SBDS: variants seen among roughly 807,000 people sequenced by gnomAD.
SBDS encodes ribosome maturation protein SBDS.
A neutral mutation model predicts 26.4 loss-of-function variants in SBDS; 20 were observed. The observed-to-expected ratio is 0.76, with a 90% CI of 0.53 to 1.10. SBDS has a LOEUF of 1.10. SBDS is among the 50% of genes least tolerant of loss of function. The pLI, the probability that SBDS is intolerant of heterozygous loss-of-function variation, is 0.00. For synonymous variants in SBDS, 95 were observed against 105.1 expected, an observed-to-expected ratio of 0.90 and a Z score of 0.59; for missense variants, 241 against 302.0, an observed-to-expected ratio of 0.80 and a Z score of 1.50.
At chr7:66,991,069 C>A in intron 4 of SBDS, 68 bp downstream of exon 4, 2 of 1,357,056 alleles carry the variant, frequency 1.5e-6, no homozygotes, top group South Asian at 2.5e-5. Flanking sequence ...TAAATGTTTG[C>A]TACAAATTTA....
chr7:66,990,612 A>G (rs1032727019), intron 4 of SBDS, among the ~76,000 whole-genome samples: 22 of 152,206 alleles, frequency 1.4e-4, no homozygotes, highest in African/African-American at 5.1e-4. Flanking sequence ...TAGTTGCTAA[A>G]TTTGCTAAAA....
At chr7:66,991,787 CA>C (rs1410941029) in intron 3 of SBDS, among the ~76,000 whole-genome samples, 1 of 151,952 alleles carries the variant, frequency 6.6e-6, no homozygotes, top group Admixed American at 6.6e-5. Context: ...AGAGATTTCT[CA>C]AAAGAAGACA....
intron 1 of SBDS, among the ~76,000 whole-genome samples, chr7:66,994,971 T>C (rs1017204801): frequency 4.6e-5 from 7 of 152,184 alleles, no homozygotes; most frequent in Non-Finnish European, 7.4e-5. Flanking sequence ...TATGACAGTA[T>C]TCGTAAGACT....
intron 4 of SBDS, 124 bp from the exon 5 acceptor site, chr7:66,988,623 G>C: frequency 8.6e-7 from 1 of 1,164,122 alleles, no homozygotes; most frequent in South Asian, 1.3e-5. Context: ...ACAGTTCTAT[G>C]GTGCAATAGA....
intron 4 of SBDS, among the ~76,000 whole-genome samples, chr7:66,990,232 G>A (rs1397112511): frequency 1.3e-5 from 2 of 152,060 alleles, no homozygotes; most frequent in African/African-American, 2.4e-5. Context: ...TGGTCAGACT[G>A]GTCTCGAACT....
intron 4 of SBDS, among the ~76,000 whole-genome samples, chr7:66,989,829 C>G (rs1194845986): frequency 6.7e-6 from 1 of 149,646 alleles, no homozygotes; most frequent in Non-Finnish European, 1.5e-5. Context: ...ACAATTCCAC[C>G]CCTTATCAAC....
chr7:66,987,831 T>A lies in SBDS; in HGVS notation c.*540A>T, dbSNP rs1792899750. 1 of 191,192 alleles carries A rather than the reference T, an allele frequency of 5.2e-6. No individual in the cohort carries two copies. The highest frequency in any genetic ancestry group is 1.1e-5 in the Non-Finnish European group (1 of 91,260). 11.8% of individuals were successfully genotyped at this position (191,192 alleles called of 1,614,324 possible). ...AAGAATAATCTAAGTTATGGCAGCA[T>A]GTTCAATGAAAGGTAAGTCCGGCAC... On this transcript the variant is annotated 3_prime_UTR_variant, in exon 5 of 5. Coordinates refer to ENST00000246868, the MANE Select transcript of SBDS (RefSeq NM_016038.4).
At position 66,995,300 on chromosome 7, in the gene SBDS, G is replaced by T. The variant is rs1388875413; in HGVS notation, c.118C>A (p.Arg40=). The T allele has an allele frequency of 3.1e-6, 5 of 1,613,798 alleles. No individual in the cohort carries two copies. In the East Asian group the frequency reaches 8.9e-5, roughly 29 times the overall value. ...GAGGGGGCTACTCACACGCCGCTCCGCCAGCCGACGACCTTGTTTTTGTAG... is the reference window on the plus strand; with the variant it reads ...GAGGGGGCTACTCACACGCCGCTCCTCCAGCCGACGACCTTGTTTTTGTAG... ...ACYKNKVVGW[R]SGVEKDLDEV... Residue 40 remains arginine, a synonymous_variant, in exon 1 of 5, where the codon CGG becomes AGG. Coordinates refer to ENST00000246868, the MANE Select transcript of SBDS (RefSeq NM_016038.4).
chr7:66,994,715 T>C (rs1793060328), intron 1 of SBDS, among the ~76,000 whole-genome samples: 1 of 152,212 alleles, frequency 6.6e-6, no homozygotes, highest in Admixed American at 6.5e-5. Context: ...GGCCTCGAAC[T>C]CCTGGCCTCA....
At chr7:66,991,564 G>A (rs1453690699) in intron 3 of SBDS, among the ~76,000 whole-genome samples, 4 of 152,020 alleles carry the variant, frequency 2.6e-5, no homozygotes, top group Non-Finnish European at 5.9e-5. Context: ...AGGCCGAGGC[G>A]GGTGCATCAC....
chr7:66,990,251 C>T (rs1240492489), intron 4 of SBDS, among the ~76,000 whole-genome samples: 1 of 152,222 alleles, frequency 6.6e-6, no homozygotes, highest in Non-Finnish European at 1.5e-5. Context: ...CTCCCGACCT[C>T]AGGTGATCCA....
intron 4 of SBDS, among the ~76,000 whole-genome samples, chr7:66,990,077 T>C (rs559695914): frequency 3.6e-4 from 54 of 150,704 alleles, no homozygotes; most frequent in African/African-American, 1.3e-3. Flanking sequence ...TGGAGTGCAA[T>C]GGTGCAATCT....
Position 66,993,166 on chromosome 7 carries a change from G to C in SBDS, c.459+51C>G, listed in dbSNP as rs1307670764. 2.0e-6 allele frequency: 3 copies of C among 1,512,124 alleles called. No individual in the cohort carries two copies. In the African/African-American group the frequency reaches 4.1e-5, roughly 21 times the overall value. The allele number at this position is 1,512,124 out of a possible 1,614,324, so 93.7% of individuals were successfully genotyped here. On this transcript the variant is annotated intron_variant, in intron 3 of 4. Transcript: ENST00000246868. Reference sequence around the variant, plus strand: ...ACCCATTATTTTAATGATTTCTTCAGAGAAAACTGATTTCCATGGCTATAT... The same window carrying C: ...ACCCATTATTTTAATGATTTCTTCACAGAAAACTGATTTCCATGGCTATAT...
rs762648535 is a variant in SBDS, at chr7:66,988,429, C to A, written c.695G>T (p.Gly232Val). ...TTTCAGATTGAGTACTTCCAAAGAA[C>A]CTTTGCCTTTAGTTTCCTTTTTTAT... The part of the protein sequence containing the change: ...ELIKKETKGK[G>V]SLEVLNLKDV... The change falls in exon 5 of 5, where the codon GGT (glycine) becomes GTT (valine). Residue 232 changes from glycine (G) to valine (V), a missense_variant. By Grantham distance (109) the Gly-to-Val change is moderately radical. Coordinates refer to ENST00000246868, the MANE Select transcript of SBDS (RefSeq NM_016038.4). 10 of 1,613,778 alleles carry A rather than the reference C, an allele frequency of 6.2e-6. No homozygotes were observed. The highest frequency in any genetic ancestry group is 4.5e-5 in the East Asian group (2 of 44,902).
intron 1 of SBDS, 160 bp from the exon 2 acceptor site, chr7:66,994,501 A>ACCGCCCCCCCC (rs1793051849): frequency 1.6e-6 from 1 of 614,604 alleles, no homozygotes; most frequent in African/African-American, 1.9e-5. Context: ...TTACCCCCCA[A>ACCGCCCCCCCC]CCCCCGCCCC....
In SBDS at chr7:66,987,949, A is replaced by G. The variant is rs1383411333; in HGVS notation, c.*422T>C. The G allele has an allele frequency of 1.1e-4, 27 of 246,860 alleles. No homozygotes were observed. The Admixed American group carries it at 1.3e-3, about 12-fold the overall frequency. The allele number at this position is 246,860 out of a possible 1,614,324, so 15.3% of individuals were successfully genotyped here. On this transcript the variant is annotated 3_prime_UTR_variant, in exon 5 of 5. Coordinates refer to ENST00000246868, the MANE Select transcript of SBDS (RefSeq NM_016038.4). ...TGACCCTCAGAACACAAGTTCCATT[A>G]AGTAGAAATGAAGCATCATATGTTT... is the stretch of plus-strand genomic sequence containing the variant.
intron 1 of SBDS, among the ~76,000 whole-genome samples, chr7:66,994,546 G>A (rs1793054225): frequency 6.6e-6 from 1 of 150,946 alleles, no homozygotes; most frequent in South Asian, 2.1e-4. Flanking sequence ...CCAGGCTGGA[G>A]TGCAATGGCG....
chr7:66,989,203 A>G (rs1204311668), intron 4 of SBDS, among the ~76,000 whole-genome samples: 1 of 149,262 alleles, frequency 6.7e-6, no homozygotes, highest in Non-Finnish European at 1.5e-5. Context: ...TCACATCTAC[A>G]GTGGATACTC....
intron 3 of SBDS, among the ~76,000 whole-genome samples, chr7:66,991,910 T>A (rs1344892212): frequency 2.0e-5 from 3 of 152,018 alleles, no homozygotes; most frequent in Non-Finnish European, 4.4e-5. Context: ...AGGCAGACAA[T>A]GACAAGTATT....
Sources: allele counts gnomAD v4.1 joint callset (sites outside exome capture counted in the v4.1 genomes callset), GRCh38; gene constraint gnomAD v4.1.1; transcripts MANE v1.5; gene names NCBI Gene and HGNC (gene_info 2026-07-23, HGNC 2026-07-21).